RDX: variants seen among roughly 807,000 people sequenced by gnomAD.
RDX encodes deafness, autosomal recessive 24.
A neutral mutation model predicts 83.7 loss-of-function variants in RDX; 32 were observed. The observed-to-expected ratio is 0.38, with a 90% CI of 0.29 to 0.51. RDX has a LOEUF of 0.51. Among genes scored for constraint, RDX ranks in the 20% least tolerant of loss-of-function variants. RDX has a pLI of 0.87. For missense variants in RDX, 600 were observed against 689.9 expected (o/e 0.87, Z 1.46); for synonymous variants, 229 against 222.7 (o/e 1.03, Z -0.25).
chr11:110,230,587 CA>C lies in RDX; in HGVS notation c.*1281del, dbSNP rs1864592378. ...CTCATACACACACAGAGTACACACA[CA>C]CACACACACACACACACACACAGTC... On this transcript the variant is annotated 3_prime_UTR_variant, in exon 14 of 14. Transcript: ENST00000645495. The C allele has an allele frequency of 1.3e-5, 2 of 148,160 alleles. No individual in the cohort carries two copies. Among genetic ancestry groups the C allele is most frequent in the Admixed American group, 1.3e-4 (2 of 14,868 alleles). 9.2% of individuals were successfully genotyped at this position (148,160 alleles called of 1,614,324 possible).
chr11:110,239,753 A>G (rs1270423307), intron 10 of RDX, among the ~76,000 whole-genome samples: 1 of 151,996 alleles, frequency 6.6e-6, no homozygotes, highest in Non-Finnish European at 1.5e-5. Context: ...TGGCACATGT[A>G]ATCCCAGTTA....
intron 12 of RDX, among the ~76,000 whole-genome samples, chr11:110,234,528 A>G (rs1217819527): frequency 3.3e-5 from 5 of 152,204 alleles, no homozygotes; most frequent in African/African-American, 7.2e-5. Flanking sequence ...AAGAATATGT[A>G]CTAAGGTTTT....
At chr11:110,285,134 A>T (rs1011429776) in intron 1 of RDX, among the ~76,000 whole-genome samples, 1 of 152,048 alleles carries the variant, frequency 6.6e-6, no homozygotes, top group African/African-American at 2.4e-5. Context: ...CATGCCTGTA[A>T]TCTCAGTACT....
chr11:110,214,839 T>C (rs1454474483), intron 14 of RDX, among the ~76,000 whole-genome samples: 1 of 70,940 alleles, frequency 1.4e-5, no homozygotes, highest in East Asian at 4.5e-4. Flanking sequence ...TGGGGACTGT[T>C]GTGGGGTGGG....
chr11:110,188,078 G>A (rs1485062792), intron 15 of RDX, among the ~76,000 whole-genome samples: 1 of 152,178 alleles, frequency 6.6e-6, no homozygotes, highest in Non-Finnish European at 1.5e-5. Context: ...CACATCACTT[G>A]AGGTCAGGAG....
intron 15 of RDX, among the ~76,000 whole-genome samples, chr11:110,184,912 G>T (rs111948574): frequency 1.3e-5 from 2 of 152,026 alleles, no homozygotes; most frequent in African/African-American, 2.4e-5. Flanking sequence ...TGACCTTGGA[G>T]GGGGGGCTAG....
intron 1 of RDX, among the ~76,000 whole-genome samples, chr11:110,295,149 C>G (rs12271061): frequency 5.3e-5 from 8 of 152,168 alleles, no homozygotes; most frequent in Middle Eastern, 3.4e-3. Context: ...CAAAGAAATT[C>G]TGAAAATAAA....
At chr11:110,256,492 C>T (rs1859550276) in intron 7 of RDX, among the ~76,000 whole-genome samples, 3 of 152,160 alleles carry the variant, frequency 2.0e-5, no homozygotes, top group African/African-American at 7.2e-5. Flanking sequence ...TCTCATAACA[C>T]TCTTGTGAGG....
intron 1 of RDX, chr11:110,287,328 T>C (rs1469797667): frequency 6.6e-6 from 1 of 151,994 alleles, no homozygotes; most frequent in African/African-American, 2.4e-5. Context: ...GGCAACAGAG[T>C]GAGATCCCAT....
intron 3 of RDX, 147 bp downstream of exon 3, chr11:110,272,388 TA>T: frequency 1.5e-6 from 1 of 686,784 alleles, no homozygotes; most frequent in South Asian, 1.5e-5. Flanking sequence ...CCTACTGCTG[TA>T]GTAGGGATAT....
chr11:110,236,626 C>CT (rs35386587), intron 11 of RDX: 4,577 of 153,070 alleles, frequency 0.03, 160 homozygotes, highest in African/African-American at 0.087. Flanking sequence ...ATCATTCCTC[C>CT]TTTTTTTTTT....
At chr11:110,284,448 A>G (rs1860895880) in intron 1 of RDX, among the ~76,000 whole-genome samples, 1 of 152,178 alleles carries the variant, frequency 6.6e-6, no homozygotes, top group African/African-American at 2.4e-5. Context: ...CTGTGTCAAC[A>G]TTTAGATAAG....
chr11:110,262,017 T>A (rs912862852), intron 5 of RDX, among the ~76,000 whole-genome samples: 1 of 152,076 alleles, frequency 6.6e-6, no homozygotes, highest in Non-Finnish European at 1.5e-5. Context: ...TCCTATTCTT[T>A]AACATTTAAA....
intron 1 of RDX, among the ~76,000 whole-genome samples, chr11:110,288,045 A>G (rs1291416811): frequency 6.6e-6 from 1 of 152,262 alleles, no homozygotes; most frequent in Non-Finnish European, 1.5e-5. Flanking sequence ...GTGCACATTA[A>G]TAACTGGTAT....
In RDX at chr11:110,230,578, G is replaced by GAACACA. The variant is rs886047635; in HGVS notation, c.*1290_*1291insTGTGTT. On this transcript the variant is annotated 3_prime_UTR_variant, in exon 14 of 14. Coordinates refer to ENST00000645495, the MANE Select transcript of RDX (RefSeq NM_002906.4). ...TTTCTCTCTCTCATACACACACAGAGTACACACACACACACACACACACAC... is the reference window on the plus strand; with the variant it reads ...TTTCTCTCTCTCATACACACACAGAGAACACATACACACACACACACACACACACAC... 1 of 80,966 alleles carries GAACACA rather than the reference G, an allele frequency of 1.2e-5. No homozygotes were observed. The highest frequency in any genetic ancestry group is 4.5e-5 in the African/African-American group (1 of 22,028). 5.0% of individuals were successfully genotyped at this position (80,966 alleles called of 1,614,324 possible).
At chr11:110,219,832 C>G (rs1312311609) in intron 14 of RDX, among the ~76,000 whole-genome samples, 1 of 152,106 alleles carries the variant, frequency 6.6e-6, no homozygotes, top group African/African-American at 2.4e-5. Context: ...ATATATACAT[C>G]TGAAGTTCAG....
At chr11:110,247,129 T>C (rs1012949122) in intron 10 of RDX, among the ~76,000 whole-genome samples, 1 of 152,208 alleles carries the variant, frequency 6.6e-6, no homozygotes, top group South Asian at 2.1e-4. Context: ...CCTTTCTATA[T>C]ACAGTAGCAC....
At chr11:110,271,706 G>GA (rs769100610) in intron 3 of RDX, among the ~76,000 whole-genome samples, 23 of 152,038 alleles carry the variant, frequency 1.5e-4, no homozygotes, top group Admixed American at 3.9e-4. Flanking sequence ...AGACTGAGAA[G>GA]AAAGATAAGA....
intron 2 of RDX, among the ~76,000 whole-genome samples, chr11:110,274,009 A>G (rs1860406601): frequency 7.2e-6 from 1 of 138,464 alleles, no homozygotes. Context: ...AAAACTCTAA[A>G]TCAGACTTCT....
Sources: allele counts gnomAD v4.1 joint callset (sites outside exome capture counted in the v4.1 genomes callset), GRCh38; gene constraint gnomAD v4.1.1; transcripts MANE v1.5; gene names NCBI Gene and HGNC (gene_info 2026-07-23, HGNC 2026-07-21).